The following WASF1 variants were observed in gnomAD, a reference collection of about 807,000 sequenced individuals.
WASF1 encodes WASP family member 1, also known as actin-binding protein WASF1.
Under a neutral mutation model 50.5 loss-of-function variants are expected in WASF1, and 7 were observed. That is an observed-to-expected ratio of 0.14 (90% CI 0.08 to 0.26). WASF1 has a LOEUF of 0.26. WASF1 is among the 10% of genes least tolerant of loss of function. The probability of loss-of-function intolerance (pLI) is 1.00; values close to 1 mark genes in which losing one functional copy is unlikely to be tolerated. For synonymous variants in WASF1, 205 were observed against 244.0 expected (o/e 0.84, Z 1.49); for missense variants, 470 against 694.7 (o/e 0.68, Z 3.64).
chr6:110,173,807 T>G lies in WASF1; in HGVS notation c.-127+4791A>C, dbSNP rs574636883. 3.7e-4 allele frequency among the ~76,000 whole-genome samples: 56 copies of G among 152,162 alleles called. 1 individual carries two copies. Among genetic ancestry groups the G allele is most frequent in the Non-Finnish European group, 3.1e-4 (21 of 68,008 alleles). On this transcript the variant is annotated intron_variant, in intron 2 of 10. Coordinates refer to ENST00000392589, the MANE Select transcript of WASF1 (RefSeq NM_003931.3). ...TTTTGTATCTCACAGCTTCAGCAAC[T>G]GAAGAGAAAACAAATTATTCAACCT...
chr6:110,134,662 G>A (rs1182604224), intron 3 of WASF1, among the ~76,000 whole-genome samples: 6 of 152,020 alleles, frequency 3.9e-5, no homozygotes, highest in Admixed American at 1.3e-4. Context: ...CTGACCTCAG[G>A]TGATCTGCCT....
At chr6:110,129,092 G>A (rs1163540493) in intron 3 of WASF1, among the ~76,000 whole-genome samples, 1 of 151,802 alleles carries the variant, frequency 6.6e-6, no homozygotes, top group Non-Finnish European at 1.5e-5. Flanking sequence ...CTGTTAAGAA[G>A]AGCTGTACGT....
chr6:110,137,055 G>A (rs1775000577), intron 3 of WASF1, among the ~76,000 whole-genome samples: 1 of 152,002 alleles, frequency 6.6e-6, no homozygotes, highest in Admixed American at 6.6e-5. Context: ...CAGTATCCTT[G>A]GTGCCTGGTA....
chr6:110,124,453 C>A (rs1159995585), intron 4 of WASF1, among the ~76,000 whole-genome samples: 1 of 150,862 alleles, frequency 6.6e-6, no homozygotes, highest in Non-Finnish European at 1.5e-5. Flanking sequence ...CATCGTGAGA[C>A]AAGAACCTGG....
At chr6:110,115,727 G>GA (rs1773775948) in intron 4 of WASF1, among the ~76,000 whole-genome samples, 2 of 152,190 alleles carry the variant, frequency 1.3e-5, no homozygotes, top group Non-Finnish European at 1.5e-5. Context: ...AGTTTGGAGG[G>GA]ATTATACCAT....
chr6:110,145,595 T>C (rs1400359148), intron 3 of WASF1, among the ~76,000 whole-genome samples: 1 of 152,082 alleles, frequency 6.6e-6, no homozygotes, highest in Non-Finnish European at 1.5e-5. Flanking sequence ...TGGCTGTGGG[T>C]TTGTCATAGG....
Position 110,100,436 on chromosome 6 carries a change from C to A in WASF1, c.*86G>T. On this transcript the variant is annotated 3_prime_UTR_variant, in exon 11 of 11. Transcript: ENST00000392589. ...TTATTATAAGGAAAAGAAAGCAAAA[C>A]ACTAGAATGACCAAACATTTTCAAG... 7.7e-7 allele frequency: 1 copy of A among 1,305,710 alleles called. No individual in the cohort carries two copies. Among genetic ancestry groups the A allele is most frequent in the Non-Finnish European group, 1.0e-6 (1 of 982,424 alleles). The allele number at this position is 1,305,710 out of a possible 1,614,324, so 80.9% of individuals were successfully genotyped here. A position where few individuals can be genotyped will look rare whatever the true frequency, so the allele number is the denominator to read the frequency against.
chr6:110,122,216 C>T (rs56080537), intron 4 of WASF1, among the ~76,000 whole-genome samples: 1 of 148,552 alleles, frequency 6.7e-6, no homozygotes, highest in Non-Finnish European at 1.5e-5. Flanking sequence ...AGAAGCAGAT[C>T]TCCGATTTTA....
chr6:110,148,484 G>T (rs1775679372), intron 3 of WASF1, among the ~76,000 whole-genome samples: 2 of 152,098 alleles, frequency 1.3e-5, no homozygotes, highest in Admixed American at 1.3e-4. Context: ...TAGCTAAGCT[G>T]GGGAAACTGA....
At chr6:110,170,225 T>TG (rs1562191572) in intron 2 of WASF1, among the ~76,000 whole-genome samples, 1 of 151,988 alleles carries the variant, frequency 6.6e-6, no homozygotes, top group South Asian at 2.1e-4. Context: ...GGACATTTTT[T>TG]GGGGGTGGAG....
At chr6:110,101,474 A>T in intron 10 of WASF1, 114 bp downstream of exon 10, 1 of 1,386,376 alleles carries the variant, frequency 7.2e-7, no homozygotes, top group African/African-American at 1.4e-5. Context: ...GGCCATTTGT[A>T]CACAAACATG....
chr6:110,107,178 C>G lies in WASF1; in HGVS notation c.439G>C (p.Gly147Arg). 1 of 1,591,838 alleles carries G rather than the reference C, an allele frequency of 6.3e-7. No individual in the cohort carries two copies. Among genetic ancestry groups the G allele is most frequent in the Non-Finnish European group, 8.5e-7 (1 of 1,170,394 alleles). ...LTPYRDDGKE[G>R]LKFYTNPSYF... is the part of the protein sequence containing the mutation. ...GAAGGATTGGTATAAAACTTCAGAC[C>G]TTCTTTACCATCATCTCTGAAATAT... is the stretch of plus-strand genomic sequence containing the variant. Residue 147 changes from glycine (G) to arginine (R), a missense_variant, in exon 7 of 11, where the codon GGT (glycine) becomes CGT (arginine). Gly to Arg is a moderately radical substitution (Grantham distance 125). This residue lies in a region of WASF1 where 140 missense variants were observed against 260.5 expected (regional missense o/e 0.54). Coordinates refer to ENST00000392589, the MANE Select transcript of WASF1 (RefSeq NM_003931.3).
rs566772629 is a variant in WASF1 at position 110,129,026 on chromosome 6, C to T, written c.-28-1397G>A. Among the ~76,000 whole-genome samples the T allele has an allele frequency of 7.9e-5, 12 of 152,066 alleles. No individual in the cohort carries two copies. The East Asian group carries it at 1.5e-3, about 20-fold the overall frequency. ...CTGCCCGTGGAAAGACTGTCTTCCA[C>T]GAAACTAGTCCCTTGTGCCAAAAAC... is the stretch of plus-strand genomic sequence containing the variant. On this transcript the variant is annotated intron_variant, in intron 3 of 10. Coordinates refer to ENST00000392589, the MANE Select transcript of WASF1 (RefSeq NM_003931.3).
chr6:110,146,467 T>C (rs1410082941), intron 3 of WASF1, among the ~76,000 whole-genome samples: 1 of 151,858 alleles, frequency 6.6e-6, no homozygotes, highest in Admixed American at 6.6e-5. Context: ...GTGACAGATA[T>C]TATTAAATAT....
intron 4 of WASF1, among the ~76,000 whole-genome samples, chr6:110,121,862 G>T (rs1039147111): frequency 1.3e-5 from 2 of 152,170 alleles, no homozygotes; most frequent in Middle Eastern, 3.4e-3. Flanking sequence ...CCATAAAAAA[G>T]GATGAGTTCA....
chr6:110,110,072 T>G (rs1773491766), intron 5 of WASF1, among the ~76,000 whole-genome samples: 1 of 152,126 alleles, frequency 6.6e-6, no homozygotes, highest in African/African-American at 2.4e-5. Context: ...AAGCAAAAAG[T>G]TTTTCCCCAC....
intron 2 of WASF1, among the ~76,000 whole-genome samples, chr6:110,174,123 C>A (rs1776826371): frequency 6.6e-6 from 1 of 152,110 alleles, no homozygotes; most frequent in African/African-American, 2.4e-5. Flanking sequence ...CATATCAAGT[C>A]ACAATCCCTC....
At chr6:110,146,345 C>A (rs1775560200) in intron 3 of WASF1, among the ~76,000 whole-genome samples, 1 of 151,488 alleles carries the variant, frequency 6.6e-6, no homozygotes, top group Non-Finnish European at 1.5e-5. Context: ...TAATTTTGCA[C>A]AATTGGCAAG....
intron 2 of WASF1, among the ~76,000 whole-genome samples, chr6:110,169,489 T>C (rs1211355477): frequency 5.3e-5 from 8 of 152,142 alleles, no homozygotes; most frequent in Admixed American, 5.2e-4. Flanking sequence ...TGCAAATTGC[T>C]GGTAAAACAG....
Sources: gnomAD v4.1 joint callset for allele counts (sites outside exome capture counted in the v4.1 genomes callset) on GRCh38, gnomAD v4.1.1 for gene constraint, gnomAD v4.1.1 regional missense constraint, MANE v1.5 for transcripts, NCBI Gene and HGNC (gene_info 2026-07-23, HGNC 2026-07-21) for gene names.